Variants in PRRX1 observed in about 807,000 individuals in gnomAD.
The protein encoded by PRRX1 is paired related homeobox 1.
Under a neutral mutation model 24.0 loss-of-function variants are expected in PRRX1, and 8 were observed. The ratio of observed to expected loss-of-function variants is 0.33; its 90% confidence interval spans 0.20 to 0.60. The LOEUF (loss-of-function observed/expected upper bound fraction) is 0.60. Among genes scored for constraint, PRRX1 ranks in the 20% least tolerant of loss-of-function variants. The pLI is 0.82. For missense variants in PRRX1, 281 were observed against 322.4 expected, an observed-to-expected ratio of 0.87 and a Z score of 0.98; for synonymous variants, 160 against 131.7, an observed-to-expected ratio of 1.22 and a Z score of -1.47.
intron 1 of PRRX1, among the ~76,000 whole-genome samples, chr1:170,685,921 G>A (rs1653717595): frequency 6.6e-6 from 1 of 151,698 alleles, no homozygotes; most frequent in African/African-American, 2.4e-5. Flanking sequence ...TGAGAGTTAA[G>A]AACAATATAA....
chr1:170,666,820 G>T (rs774154310), intron 1 of PRRX1, among the ~76,000 whole-genome samples: 13 of 152,092 alleles, frequency 8.5e-5, no homozygotes, highest in Non-Finnish European at 1.6e-4. Context: ...CTCGGGATTC[G>T]TCGTGGCCTT....
chr1:170,723,466 CT>C (rs1655157146), intron 2 of PRRX1, among the ~76,000 whole-genome samples: 2 of 152,250 alleles, frequency 1.3e-5, no homozygotes, highest in Non-Finnish European at 2.9e-5. Flanking sequence ...TTTCTCATCT[CT>C]CTCTTTCCAG....
chr1:170,737,816 A>C lies in PRRX1; in HGVS notation c.*1630A>C, dbSNP rs1456878166. 4.6e-6 allele frequency: 1 copy of C among 215,448 alleles called. No homozygotes were observed. The highest frequency in any genetic ancestry group is 2.3e-5 in the African/African-American group (1 of 44,238). The allele number at this position is 215,448 out of a possible 1,614,324, so 13.3% of individuals were successfully genotyped here. ...GGGATTAATAATACTTACCTACCTCACAGGGGTGTTGTGAGGCTCTATTCA... is the reference window on the plus strand; with the variant it reads ...GGGATTAATAATACTTACCTACCTCCCAGGGGTGTTGTGAGGCTCTATTCA... On this transcript the variant is annotated 3_prime_UTR_variant, in exon 4 of 4. Transcript: ENST00000239461.
chr1:170,733,016 A>G (rs1344792853), intron 3 of PRRX1, among the ~76,000 whole-genome samples: 2 of 152,108 alleles, frequency 1.3e-5, no homozygotes, highest in African/African-American at 4.8e-5. Context: ...TGAATATCCA[A>G]TCTCCTGTGT....
At chr1:170,705,378 G>T (rs1654524155) in intron 1 of PRRX1, among the ~76,000 whole-genome samples, 1 of 152,106 alleles carries the variant, frequency 6.6e-6, no homozygotes, top group African/African-American at 2.4e-5. Context: ...AACCACCTGG[G>T]CTCAGGTGAT....
At chr1:170,663,602 A>C (rs1211942731), upstream of PRRX1, 2 of 152,134 alleles carry the variant, frequency 1.3e-5, no homozygotes, top group African/African-American at 4.8e-5. Context: ...CACTCCTGAG[A>C]ATCCACAGGA....
intron 1 of PRRX1, among the ~76,000 whole-genome samples, chr1:170,705,384 G>A (rs1432461866): frequency 1.3e-5 from 2 of 152,140 alleles, no homozygotes; most frequent in African/African-American, 2.4e-5. Context: ...CTGGGCTCAG[G>A]TGATCCTCCC....
rs1050814793 is a variant in PRRX1, at chr1:170,736,275, A to G, written c.*89A>G. The G allele has an allele frequency of 1.1e-4, 163 of 1,527,310 alleles. No individual in the cohort carries two copies. Among genetic ancestry groups the G allele is most frequent in the Middle Eastern group, 3.6e-4 (2 of 5,506 alleles). The allele number at this position is 1,527,310 out of a possible 1,614,324, so 94.6% of individuals were successfully genotyped here. On this transcript the variant is annotated 3_prime_UTR_variant, in exon 4 of 4. Transcript: ENST00000239461. ...TGTTATTTCTTCATCTGCTGGGGGG[A>G]AAAAGTAAATTACAAACAAACAAAC...
At chr1:170,727,175 T>G (rs1399986575) in intron 3 of PRRX1, 1 of 152,176 alleles carries the variant, frequency 6.6e-6, no homozygotes, top group East Asian at 1.9e-4. Context: ...ACTTTTATAT[T>G]AAAAAGTTGA....
chr1:170,684,760 CA>C (rs1031691898), intron 1 of PRRX1, among the ~76,000 whole-genome samples: 1 of 151,958 alleles, frequency 6.6e-6, no homozygotes, highest in Non-Finnish European at 1.5e-5. Flanking sequence ...CTCACACACA[CA>C]AAAAAAGATT....
intron 2 of PRRX1, 28 bp downstream of exon 2, chr1:170,719,929 C>G: frequency 6.2e-7 from 1 of 1,611,828 alleles, no homozygotes; most frequent in Non-Finnish European, 8.5e-7. Flanking sequence ...AGGCTGGCAC[C>G]AAGTAGTACC....
intron 1 of PRRX1, among the ~76,000 whole-genome samples, chr1:170,697,551 A>G (rs980126341): frequency 2.6e-5 from 4 of 151,536 alleles, no homozygotes; most frequent in Admixed American, 2.6e-4. Flanking sequence ...GCATTATTCA[A>G]AGGCACTTTC....
chr1:170,705,993 C>T (rs948857324), intron 1 of PRRX1, among the ~76,000 whole-genome samples: 20 of 151,488 alleles, frequency 1.3e-4, no homozygotes, highest in Admixed American at 2.0e-4. Flanking sequence ...AATTATGCCC[C>T]CCACCCTTAA....
intron 1 of PRRX1, among the ~76,000 whole-genome samples, chr1:170,699,560 A>G (rs1394749437): frequency 6.6e-6 from 1 of 152,124 alleles, no homozygotes; most frequent in Non-Finnish European, 1.5e-5. Flanking sequence ...GTGCACCACA[A>G]GACTGAAGGG....
At chr1:170,679,329 C>T (rs1301673413) in intron 1 of PRRX1, among the ~76,000 whole-genome samples, 3 of 152,188 alleles carry the variant, frequency 2.0e-5, no homozygotes, top group Admixed American at 6.5e-5. Flanking sequence ...CCACATAAAA[C>T]CAAGAAAAAC....
intron 1 of PRRX1, among the ~76,000 whole-genome samples, chr1:170,678,123 G>C (rs1048668590): frequency 1.3e-5 from 2 of 152,122 alleles, no homozygotes; most frequent in Admixed American, 1.3e-4. Flanking sequence ...TATACATAAA[G>C]TTGCCATTCT....
At chr1:170,709,155 A>G (rs972322789) in intron 1 of PRRX1, among the ~76,000 whole-genome samples, 1 of 152,204 alleles carries the variant, frequency 6.6e-6, no homozygotes. Context: ...TAAGTGTTAT[A>G]AAGCAAATGG....
Position 170,737,155 on chromosome 1 carries a change from T to A in PRRX1, c.*969T>A, listed in dbSNP as rs1571355142. On this transcript the variant is annotated 3_prime_UTR_variant, in exon 4 of 4. Transcript: ENST00000239461. Reference sequence around the variant, plus strand: ...ATATATACTGTATATATTTATATATTTATATATATATTTCATATATATATA... The same window carrying A: ...ATATATACTGTATATATTTATATATATATATATATATTTCATATATATATA... 1 of 161,902 alleles carries A rather than the reference T, an allele frequency of 6.2e-6. No individual in the cohort carries two copies. Among genetic ancestry groups the A allele is most frequent in the East Asian group, 1.3e-4 (1 of 7,928 alleles). The allele number at this position is 161,902 out of a possible 1,614,324, so 10.0% of individuals were successfully genotyped here. A position where few individuals can be genotyped will look rare whatever the true frequency, so the allele number is the denominator to read the frequency against.
intron 3 of PRRX1, chr1:170,730,549 T>C: frequency 5.4e-6 from 3 of 556,288 alleles, no homozygotes; most frequent in Non-Finnish European, 6.5e-6. Flanking sequence ...AGAGCAGGGC[T>C]CTTCAGAGAT....
Sources: allele counts gnomAD v4.1 joint callset (sites outside exome capture counted in the v4.1 genomes callset), GRCh38; gene constraint gnomAD v4.1.1; transcripts MANE v1.5; gene names NCBI Gene and HGNC (gene_info 2026-07-23, HGNC 2026-07-21).